PREP: variants seen among roughly 807,000 people sequenced by gnomAD.
The protein encoded by PREP is prolyl endopeptidase.
PREP carries 29 observed loss-of-function variants against 87.6 expected under a neutral mutation model. The observed-to-expected ratio is 0.33, with a 90% CI of 0.25 to 0.45. The LOEUF (loss-of-function observed/expected upper bound fraction) is 0.45. Ranked by LOEUF, PREP falls within the 20% of genes least tolerant of loss-of-function variation. PREP has a pLI of 1.00. For synonymous variants in PREP, 337 were observed against 328.6 expected, an observed-to-expected ratio of 1.03 and a Z score of -0.28; for missense variants, 695 against 886.5, an observed-to-expected ratio of 0.78 and a Z score of 2.74.
chr6:105,306,410 C>A (rs1583045954), intron 10 of PREP, among the ~76,000 whole-genome samples: 1 of 152,164 alleles, frequency 6.6e-6, no homozygotes, highest in Non-Finnish European at 1.5e-5. Context: ...AATTAGCACA[C>A]ATGTCCTGGG....
At chr6:105,303,096 T>G (rs1770577817) in intron 10 of PREP, among the ~76,000 whole-genome samples, 1 of 151,864 alleles carries the variant, frequency 6.6e-6, no homozygotes, top group African/African-American at 2.4e-5. Context: ...CTCTCCATTC[T>G]CTACAAAATG....
chr6:105,367,699 C>A (rs1051372889), intron 6 of PREP, among the ~76,000 whole-genome samples: 8 of 150,890 alleles, frequency 5.3e-5, no homozygotes, highest in African/African-American at 1.7e-4. Flanking sequence ...GAAAAACGGA[C>A]AAATTTTAGG....
In PREP at chr6:105,276,614, A is replaced by G. The variant is rs1040452673; in HGVS notation, c.*1530T>C. Among the ~76,000 whole-genome samples the G allele has an allele frequency of 6.6e-6, 1 of 152,254 alleles. No individual in the cohort carries two copies. Among genetic ancestry groups the G allele is most frequent in the Non-Finnish European group, 1.5e-5 (1 of 68,042 alleles). ...TGACGACAGAGTCTCAGCATGCAAC[A>G]CTAGCTACTGGCACACTTTGTTTCC... On this transcript the variant is annotated 3_prime_UTR_variant, in exon 15 of 15. Coordinates refer to ENST00000652536, the MANE Select transcript of PREP (RefSeq NM_002726.5).
intron 5 of PREP, among the ~76,000 whole-genome samples, chr6:105,372,932 G>A (rs1056595355): frequency 4.6e-5 from 7 of 152,322 alleles, no homozygotes; most frequent in East Asian, 3.9e-4. Flanking sequence ...CAAATCTGAC[G>A]TGCCAGGAGC....
chr6:105,293,098 T>C (rs1770332290), intron 10 of PREP, among the ~76,000 whole-genome samples: 1 of 152,242 alleles, frequency 6.6e-6, no homozygotes, highest in African/African-American at 2.4e-5. Context: ...AGTAGCACTT[T>C]CAATTTTTTC....
At chr6:105,397,351 T>C (rs1198858730) in intron 2 of PREP, among the ~76,000 whole-genome samples, 2 of 152,150 alleles carry the variant, frequency 1.3e-5, no homozygotes, top group Admixed American at 6.6e-5. Context: ...TTTATGTTTT[T>C]AGGGCAGAAA....
chr6:105,359,657 C>T (rs1036678380), intron 6 of PREP, among the ~76,000 whole-genome samples: 1 of 152,178 alleles, frequency 6.6e-6, no homozygotes, highest in Non-Finnish European at 1.5e-5. Context: ...AGACAGCTCT[C>T]AGACGAGAAT....
chr6:105,329,231 C>A (rs1771256548), intron 8 of PREP, among the ~76,000 whole-genome samples: 1 of 151,726 alleles, frequency 6.6e-6, no homozygotes, highest in African/African-American at 2.4e-5. Flanking sequence ...CAGCTCACTG[C>A]AACCTCTACC....
chr6:105,381,922 G>GA (rs750569693), intron 2 of PREP, among the ~76,000 whole-genome samples: 36 of 152,180 alleles, frequency 2.4e-4, no homozygotes, highest in Non-Finnish European at 3.7e-4. Context: ...AAGCTATTTG[G>GA]AAAGGGGTGG....
chr6:105,362,934 C>T (rs1283200366), intron 6 of PREP, among the ~76,000 whole-genome samples: 1 of 152,190 alleles, frequency 6.6e-6, no homozygotes, highest in African/African-American at 2.4e-5. Context: ...AGGTGAGACC[C>T]TGCTGGTCTT....
intron 11 of PREP, 128 bp from the exon 12 acceptor site, chr6:105,285,708 A>G: frequency 1.5e-6 from 1 of 675,090 alleles, no homozygotes; most frequent in Non-Finnish European, 2.6e-6. Flanking sequence ...GGAGCTTGAC[A>G]TTTCTTTTAT....
intron 9 of PREP, among the ~76,000 whole-genome samples, chr6:105,324,749 G>A (rs768445417): frequency 6.6e-6 from 1 of 151,998 alleles, no homozygotes; most frequent in South Asian, 2.1e-4. Context: ...CTTTCTTCTC[G>A]ACTCCTCTGT....
At chr6:105,290,375 A>G (rs1583037622) in intron 10 of PREP, among the ~76,000 whole-genome samples, 2 of 152,210 alleles carry the variant, frequency 1.3e-5, no homozygotes, top group African/African-American at 2.4e-5. Flanking sequence ...TCAATGAGCA[A>G]GCGAGCAAAC....
At chr6:105,323,114 G>GA (rs1303976711) in intron 10 of PREP, 1 of 1,302,386 alleles carries the variant, frequency 7.7e-7, no homozygotes, top group Non-Finnish European at 1.0e-6. Context: ...TTGGGGAGCT[G>GA]AAAAAACAAA....
At chr6:105,319,522 GACA>G (rs1686865626) in intron 10 of PREP, among the ~76,000 whole-genome samples, 1 of 152,200 alleles carries the variant, frequency 6.6e-6, no homozygotes, top group Non-Finnish European at 1.5e-5. Context: ...ATTCCTTTGT[GACA>G]CCACATTCAA....
In PREP at chr6:105,306,728, T is replaced by G. The variant is rs556436458; in HGVS notation, c.1317+16937A>C. 2.6e-5 allele frequency among the ~76,000 whole-genome samples: 4 copies of G among 152,178 alleles called. No individual in the cohort carries two copies. The South Asian group carries it at 8.3e-4, about 32-fold the overall frequency. On this transcript the variant is annotated intron_variant, in intron 10 of 14. Transcript: ENST00000652536. ...CTGTTGGAGTTTTCGGCTGTGCCCA[T>G]GGGCTCCTCCACCACCACCACCATC...
At chr6:105,307,654 C>T (rs1216368003) in intron 10 of PREP, among the ~76,000 whole-genome samples, 1 of 151,940 alleles carries the variant, frequency 6.6e-6, no homozygotes, top group Non-Finnish European at 1.5e-5. Context: ...GCTCTGTTGC[C>T]CAGGCTGGGG....
intron 10 of PREP, among the ~76,000 whole-genome samples, chr6:105,299,665 C>T (rs900647865): frequency 2.0e-5 from 3 of 152,210 alleles, no homozygotes; most frequent in African/African-American, 2.4e-5. Context: ...TCTCCCAAGT[C>T]CCTGTTTCAG....
chr6:105,291,299 C>T (rs1191669022), intron 10 of PREP, among the ~76,000 whole-genome samples: 1 of 152,130 alleles, frequency 6.6e-6, no homozygotes, highest in Admixed American at 6.6e-5. Context: ...CAATGATGGA[C>T]TTTTCCTTTC....
Sources: gnomAD v4.1 joint callset for allele counts (sites outside exome capture counted in the v4.1 genomes callset) on GRCh38, gnomAD v4.1.1 for gene constraint, MANE v1.5 for transcripts, NCBI Gene and HGNC (gene_info 2026-07-23, HGNC 2026-07-21) for gene names.